The following ITPR2 variants were observed in gnomAD, a reference collection of about 807,000 sequenced individuals.
The protein encoded by ITPR2 is inositol 1,4,5-trisphosphate-gated calcium channel ITPR2.
Under a neutral mutation model 317.1 loss-of-function variants are expected in ITPR2, and 207 were observed. The observed-to-expected ratio is 0.65, with a 90% CI of 0.58 to 0.73. ITPR2 has a LOEUF of 0.73. Among genes scored for constraint, ITPR2 ranks in the 30% least tolerant of loss-of-function variants. The pLI, the probability that ITPR2 is intolerant of heterozygous loss-of-function variation, is 0.00. For missense variants in ITPR2, 2,613 were observed against 3,284.0 expected (o/e 0.80, Z 4.99); for synonymous variants, 1,156 against 1,149.1 (o/e 1.01, Z -0.12).
chr12:26,398,933 G>C lies in ITPR2; in HGVS notation c.7639C>G (p.Leu2547Val). ...TCTTTTTTCTGTTTTTCGCTTCTGA[G>C]ATCAGCAAAAGTATCGATGATAACA... ...FGVIIDTFADLRSEKQKKEEI... is the reference protein window; with the variant it reads ...FGVIIDTFADVRSEKQKKEEI... The change falls in exon 54 of 57, where the codon CTC becomes GTC. Residue 2547 changes from leucine (L) to valine (V), a missense_variant. Transcript: ENST00000381340. The C allele has an allele frequency of 6.2e-7, 1 of 1,611,370 alleles. No individual in the cohort carries two copies. The highest frequency in any genetic ancestry group is 8.5e-7 in the Non-Finnish European group (1 of 1,179,324).
chr12:26,449,334 G>A (rs1390826111), intron 45 of ITPR2, among the ~76,000 whole-genome samples: 1 of 152,086 alleles, frequency 6.6e-6, no homozygotes, highest in African/African-American at 2.4e-5. Flanking sequence ...GCAGAAGGGG[G>A]CAAAAACTAA....
At chr12:26,577,751 C>A (rs1371275190) in intron 34 of ITPR2, among the ~76,000 whole-genome samples, 2 of 152,094 alleles carry the variant, frequency 1.3e-5, no homozygotes, top group Non-Finnish European at 2.9e-5. Context: ...TAACCTAGGT[C>A]AAATTGCAAA....
chr12:26,732,297 A>G (rs1949041124), intron 2 of ITPR2, among the ~76,000 whole-genome samples: 1 of 152,234 alleles, frequency 6.6e-6, no homozygotes, highest in Non-Finnish European at 1.5e-5. Context: ...CTCAGATAAA[A>G]TCCAATCTTT....
At chr12:26,812,963 G>C (rs968371559) in intron 1 of ITPR2, among the ~76,000 whole-genome samples, 17 of 152,172 alleles carry the variant, frequency 1.1e-4, no homozygotes, top group Admixed American at 1.1e-3. Flanking sequence ...GTCTTCAATA[G>C]TACAACATGG....
intron 48 of ITPR2, among the ~76,000 whole-genome samples, chr12:26,434,406 A>C (rs2136715829): frequency 6.6e-6 from 1 of 152,314 alleles, no homozygotes; most frequent in South Asian, 2.1e-4. Context: ...ATTATTGGCC[A>C]GGCAAGTATT....
chr12:26,454,019 AATGGATGGATGG>A (rs941186026), intron 45 of ITPR2, among the ~76,000 whole-genome samples: 4 of 151,832 alleles, frequency 2.6e-5, no homozygotes, highest in African/African-American at 9.7e-5. Context: ...TGGATGGGTG[AATGGATGGATGG>A]ATGGATGGAT....
chr12:26,616,648 T>C (rs917101209), intron 26 of ITPR2, among the ~76,000 whole-genome samples: 5 of 152,196 alleles, frequency 3.3e-5, no homozygotes, highest in African/African-American at 7.2e-5. Context: ...AGGATAAGTA[T>C]AATAAAATAG....
At chr12:26,680,817 G>C (rs1444848056) in intron 13 of ITPR2, among the ~76,000 whole-genome samples, 1 of 152,176 alleles carries the variant, frequency 6.6e-6, no homozygotes, top group Non-Finnish European at 1.5e-5. Context: ...AAACAAAGCT[G>C]AACATTCTTG....
At position 26,787,640 on chromosome 12, in the gene ITPR2, A is replaced by T. The variant is rs189036561; in HGVS notation, c.163+2517T>A. Among the ~76,000 whole-genome samples, 225 of 152,336 alleles carry T rather than the reference A, an allele frequency of 1.5e-3. 1 individual carries two copies. Among genetic ancestry groups the T allele is most frequent in the African/African-American group, 4.1e-3 (169 of 41,574 alleles). On this transcript the variant is annotated intron_variant, in intron 2 of 56. Transcript: ENST00000381340. ...TTGAAAGATTAATTCTTCCTGACCAACAGAGGAGTAAGGCTGCCCAGGCTC... is the reference window on the plus strand; with the variant it reads ...TTGAAAGATTAATTCTTCCTGACCATCAGAGGAGTAAGGCTGCCCAGGCTC...
At chr12:26,725,257 G>A (rs1334315896) in intron 3 of ITPR2, among the ~76,000 whole-genome samples, 3 of 152,190 alleles carry the variant, frequency 2.0e-5, no homozygotes, top group East Asian at 1.9e-4. Flanking sequence ...AAGTTCTATC[G>A]AATTTACACT....
chr12:26,692,599 A>G (rs951990357), intron 10 of ITPR2, among the ~76,000 whole-genome samples: 1 of 152,136 alleles, frequency 6.6e-6, no homozygotes, highest in Non-Finnish European at 1.5e-5. Context: ...CACGGTTCCA[A>G]TGTTTACAGG....
chr12:26,388,205 G>A (rs919242555), intron 54 of ITPR2, among the ~76,000 whole-genome samples: 1 of 152,138 alleles, frequency 6.6e-6, no homozygotes, highest in Non-Finnish European at 1.5e-5. Flanking sequence ...TAAGCCTTTG[G>A]AAGTACAGTA....
rs190680272 is a variant in ITPR2 at position 26,766,180 on chromosome 12, T to C, written c.163+23977A>G. ...GCTGGACCAAATGGTAATTTTATTA[T>C]AGCTTTCTGAGGAACTTCCAGATTG... On this transcript the variant is annotated intron_variant, in intron 2 of 56. Coordinates refer to ENST00000381340, the MANE Select transcript of ITPR2 (RefSeq NM_002223.4). 1.5e-3 allele frequency among the ~76,000 whole-genome samples: 227 copies of C among 152,322 alleles called. 1 individual carries two copies. The highest frequency in any genetic ancestry group is 2.4e-3 in the Admixed American group (37 of 15,298).
intron 2 of ITPR2, among the ~76,000 whole-genome samples, chr12:26,743,200 T>C (rs1460671125): frequency 6.6e-6 from 1 of 152,212 alleles, no homozygotes; most frequent in East Asian, 1.9e-4. Context: ...TGGTTTCATT[T>C]ATATGAAGTT....
chr12:26,558,017 A>G (rs567058023), intron 35 of ITPR2, among the ~76,000 whole-genome samples: 1 of 152,296 alleles, frequency 6.6e-6, no homozygotes, highest in South Asian at 2.1e-4. Context: ...AAATTATGTT[A>G]ATTCATGTTT....
At position 26,608,128 on chromosome 12, in the gene ITPR2, T is replaced by A. The variant is rs181834944; in HGVS notation, c.3463-5422A>T. ...AGAGTGAGACTCTGTTTCAAAAAAA[T>A]AAATAAATAAATAAAATAATGGCAT... On this transcript the variant is annotated intron_variant, in intron 26 of 56. Transcript: ENST00000381340. 2.7e-3 allele frequency among the ~76,000 whole-genome samples: 409 copies of A among 152,030 alleles called. 4 individuals carry two copies. Among genetic ancestry groups the A allele is most frequent in the Admixed American group, 5.0e-3 (76 of 15,260 alleles).
rs977530782 is a variant in ITPR2, at chr12:26,510,146, A to C, written c.5074-14886T>G. Reference sequence around the variant, plus strand: ...TTTATAGCAAACCTCAAGAGTTTAAAGACAGTTTGCTTTTACAGGAACTAA... The same window carrying C: ...TTTATAGCAAACCTCAAGAGTTTAACGACAGTTTGCTTTTACAGGAACTAA... On this transcript the variant is annotated intron_variant, in intron 37 of 56. Coordinates refer to ENST00000381340, the MANE Select transcript of ITPR2 (RefSeq NM_002223.4). Among the ~76,000 whole-genome samples, 48 of 152,190 alleles carry C rather than the reference A, an allele frequency of 3.2e-4. 3 individuals carry two copies. Among genetic ancestry groups the C allele is most frequent in the Non-Finnish European group, 1.5e-5 (1 of 68,038 alleles).
chr12:26,359,737 GTGAT>G (rs1938761589), intron 55 of ITPR2, among the ~76,000 whole-genome samples: 1 of 152,136 alleles, frequency 6.6e-6, no homozygotes, highest in Non-Finnish European at 1.5e-5. Context: ...GGAATGATCT[GTGAT>G]TGGCCTCATG....
chr12:26,393,192 A>G (rs1162364863), intron 54 of ITPR2, among the ~76,000 whole-genome samples: 4 of 152,178 alleles, frequency 2.6e-5, no homozygotes, highest in African/African-American at 7.2e-5. Flanking sequence ...CTCTCTTACT[A>G]TGGAGATTCT....
Sources: gnomAD v4.1 joint callset for allele counts (sites outside exome capture counted in the v4.1 genomes callset) on GRCh38, gnomAD v4.1.1 for gene constraint, MANE v1.5 for transcripts, NCBI Gene and HGNC (gene_info 2026-07-23, HGNC 2026-07-21) for gene names.